KCNQ1: variants seen among roughly 807,000 people sequenced by gnomAD.
KCNQ1 encodes potassium voltage-gated channel subfamily Q member 1.
Under a neutral mutation model 72.4 loss-of-function variants are expected in KCNQ1, and 49 were observed. The ratio of observed to expected loss-of-function variants is 0.68; its 90% CI spans 0.54 to 0.86. The LOEUF is 0.86. KCNQ1 is among the 40% of genes least tolerant of loss of function. The pLI is 0.00. For synonymous variants in KCNQ1, 450 were observed against 412.6 expected (o/e 1.09, Z -1.10); for missense variants, 790 against 945.1 (o/e 0.84, Z 2.15).
At chr11:2,699,723 C>T (rs1044257445) in intron 11 of KCNQ1, 5 of 290,488 alleles carry the variant, frequency 1.7e-5, no homozygotes, top group African/African-American at 9.1e-5. Context: ...GAGGAGTCCC[C>T]GGGGAGAACT....
chr11:2,519,476 C>T (rs193146346), intron 1 of KCNQ1, among the ~76,000 whole-genome samples: 71 of 152,192 alleles, frequency 4.7e-4, no homozygotes, highest in East Asian at 2.7e-3. Flanking sequence ...GACATGAGGC[C>T]GGGCATGGTG....
At chr11:2,778,412 C>T (rs759028807) in intron 15 of KCNQ1, among the ~76,000 whole-genome samples, 5 of 152,238 alleles carry the variant, frequency 3.3e-5, no homozygotes, top group Admixed American at 6.5e-5. Context: ...CCTCACATCC[C>T]AGCCTTCTCC....
At position 2,787,077 on chromosome 11, in the gene KCNQ1, G is replaced by T. The variant is rs1183460200; in HGVS notation, c.1794+9040G>T. Reference sequence around the variant, plus strand: ...TTACCCCTTCCATTGCCACATATGTGGGTGTACTGCCAGCCTGGACTTTTA... The same window carrying T: ...TTACCCCTTCCATTGCCACATATGTTGGTGTACTGCCAGCCTGGACTTTTA... On this transcript the variant is annotated intron_variant, in intron 15 of 15. Transcript: ENST00000155840. The surrounding 1 kb of genome is among the most constrained non-coding windows in gnomAD (Gnocchi z 6.3). 2.0e-5 allele frequency among the ~76,000 whole-genome samples: 3 copies of T among 151,720 alleles called. No homozygotes were observed. Among genetic ancestry groups the T allele is most frequent in the African/African-American group, 7.3e-5 (3 of 41,240 alleles).
intron 10 of KCNQ1, chr11:2,631,041 A>C (rs1001096021): frequency 3.5e-5 from 14 of 398,394 alleles, no homozygotes. Context: ...TTTTGATGGC[A>C]ATATATCTAG....
chr11:2,547,816 C>T lies in KCNQ1; in HGVS notation c.477+19798C>T, dbSNP rs1042029678. Reference sequence around the variant, plus strand: ...AGTTCTCAGTGGAGCGGCCGGGCTGCGAGTCTCTGTATGGAGGTGAAGGTC... The same window carrying T: ...AGTTCTCAGTGGAGCGGCCGGGCTGTGAGTCTCTGTATGGAGGTGAAGGTC... On this transcript the variant is annotated intron_variant, in intron 2 of 15. Coordinates refer to ENST00000155840, the MANE Select transcript of KCNQ1 (RefSeq NM_000218.3). This position sits in a 1 kb window ranked among gnomAD's most constrained non-coding sequence, Gnocchi z 4.2. Among the ~76,000 whole-genome samples the T allele has an allele frequency of 1.3e-5, 2 of 152,112 alleles. No individual in the cohort carries two copies. The highest frequency in any genetic ancestry group is 2.9e-5 in the Non-Finnish European group (2 of 68,022).
chr11:2,538,257 G>T lies in KCNQ1; in HGVS notation c.477+10239G>T, dbSNP rs1218940735. Among the ~76,000 whole-genome samples the T allele has an allele frequency of 6.6e-6, 1 of 152,152 alleles. No individual in the cohort carries two copies. Among genetic ancestry groups the T allele is most frequent in the East Asian group, 1.9e-4 (1 of 5,196 alleles). ...CACGCGGTTTCAGCTTCTTTGACCT[G>T]GAGCAGCCCTGCCCGGCCTTCCCTT... On this transcript the variant is annotated intron_variant, in intron 2 of 15. Transcript: ENST00000155840. The surrounding 1 kb of genome is among the most constrained non-coding windows in gnomAD (Gnocchi z 6.7).
rs1292374184 is a variant in KCNQ1 at position 2,750,123 on chromosome 11, T to C, written c.1515-18721T>C. The stretch of plus-strand genomic sequence containing the variant: ...TTGCTGGTGAAGCTGGGGAGAGACC[T>C]GCGCAACCCCACCTGAGTGAGGCAC... On this transcript the variant is annotated intron_variant, in intron 11 of 15. Transcript: ENST00000155840. The surrounding 1 kb of genome is among the most constrained non-coding windows in gnomAD (Gnocchi z 6.3). Among the ~76,000 whole-genome samples, 1 of 152,142 alleles carries C rather than the reference T, an allele frequency of 6.6e-6. No individual in the cohort carries two copies. Among genetic ancestry groups the C allele is most frequent in the Non-Finnish European group, 1.5e-5 (1 of 68,030 alleles).
rs1554891924 is a variant in KCNQ1 at position 2,561,212 on chromosome 11, A to AAAAG, written c.478-9412_478-9409dup. 2.9e-3 allele frequency among the ~76,000 whole-genome samples: 431 copies of AAAAG among 150,990 alleles called. 3 individuals carry two copies. The highest frequency in any genetic ancestry group is 9.9e-3 in the African/African-American group (402 of 40,736). On this transcript the variant is annotated intron_variant, in intron 2 of 15. Coordinates refer to ENST00000155840, the MANE Select transcript of KCNQ1 (RefSeq NM_000218.3). The stretch of plus-strand genomic sequence containing the variant: ...CGAGACTCCGTCTCAAAAAAAAAAA[A>AAAAG]AAAGAAAAAAAGAAAAAAAAGGAAC...
At chr11:2,708,971 A>G (rs1179769751) in intron 11 of KCNQ1, among the ~76,000 whole-genome samples, 2 of 151,920 alleles carry the variant, frequency 1.3e-5, no homozygotes, top group Admixed American at 6.6e-5. Flanking sequence ...CTTGTGAGCC[A>G]TCAGCTGTTT....
Position 2,464,486 on chromosome 11 carries a change from G to A in KCNQ1, c.386+19002G>A, listed in dbSNP as rs892641406. 1.3e-5 allele frequency among the ~76,000 whole-genome samples: 2 copies of A among 152,110 alleles called. No homozygotes were observed. Among genetic ancestry groups the A allele is most frequent in the African/African-American group, 2.4e-5 (1 of 41,384 alleles). The stretch of plus-strand genomic sequence containing the variant: ...GTGTGATTTGACCTAGGAGAGTGCC[G>A]GGGTGGGGGCAGGTGCACTGTGGTC... On this transcript the variant is annotated intron_variant, in intron 1 of 15. Coordinates refer to ENST00000155840, the MANE Select transcript of KCNQ1 (RefSeq NM_000218.3). This position sits in a 1 kb window ranked among gnomAD's most constrained non-coding sequence, Gnocchi z 5.0.
At chr11:2,756,951 T>TAAAAAAAAAAAAAAAA (rs58284663) in intron 11 of KCNQ1, among the ~76,000 whole-genome samples, 1 of 50,994 alleles carries the variant, frequency 2.0e-5, no homozygotes, top group African/African-American at 6.7e-5. Flanking sequence ...AAGAGCATCT[T>TAAAAAAAAAAAAAAAA]AAAAAAAAAA....
chr11:2,603,188 G>A lies in KCNQ1; in HGVS notation c.1393+14334G>A, dbSNP rs1302376082. Among the ~76,000 whole-genome samples, 1 of 152,146 alleles carries A rather than the reference G, an allele frequency of 6.6e-6. No homozygotes were observed. Among genetic ancestry groups the A allele is most frequent in the African/African-American group, 2.4e-5 (1 of 41,452 alleles). On this transcript the variant is annotated intron_variant, in intron 10 of 15. Transcript: ENST00000155840. The surrounding 1 kb of genome is among the most constrained non-coding windows in gnomAD (Gnocchi z 4.1). ...GCAAGTCACACAAATTTTTTGGTTT[G>A]CCACTGCATATAAAAGTTATGTTTA... is the stretch of plus-strand genomic sequence containing the variant.
intron 11 of KCNQ1, chr11:2,686,911 C>G (rs1850499087): frequency 1.0e-5 from 4 of 398,582 alleles, no homozygotes; most frequent in Non-Finnish European, 1.8e-5. Flanking sequence ...GCAACCCAAT[C>G]CAGGTCCATG....
intron 15 of KCNQ1, among the ~76,000 whole-genome samples, chr11:2,799,332 C>G (rs1847210212): frequency 6.6e-6 from 1 of 151,772 alleles, no homozygotes; most frequent in Non-Finnish European, 1.5e-5. Context: ...TTGGAATGGA[C>G]TGAAGTGGAA....
At chr11:2,466,226 C>G (rs1846349689) in intron 1 of KCNQ1, among the ~76,000 whole-genome samples, 1 of 152,142 alleles carries the variant, frequency 6.6e-6, no homozygotes, top group African/African-American at 2.4e-5. Context: ...CATTTTGTAG[C>G]TGGGGAAACT....
At chr11:2,697,059 C>T (rs1442801075) in intron 11 of KCNQ1, 2 of 398,312 alleles carry the variant, frequency 5.0e-6, no homozygotes, top group East Asian at 3.6e-5. Flanking sequence ...AGGTCAAAAA[C>T]ATTTTCATAA....
intron 12 of KCNQ1, among the ~76,000 whole-genome samples, chr11:2,773,621 A>G (rs233437): frequency 0.14 from 20,830 of 151,674 alleles, 1,637 homozygotes; most frequent in South Asian, 0.2. Context: ...TCAGCATCCC[A>G]TCTTACAGAA....
chr11:2,642,947 T>A lies in KCNQ1; in HGVS notation c.1394-19014T>A. 1 of 398,006 alleles carries A rather than the reference T, an allele frequency of 2.5e-6. No individual in the cohort carries two copies. The highest frequency in any genetic ancestry group is 4.4e-6 in the Non-Finnish European group (1 of 225,704). 24.7% of individuals were successfully genotyped at this position (398,006 alleles called of 1,614,324 possible). On this transcript the variant is annotated intron_variant, in intron 10 of 15. Transcript: ENST00000155840. The surrounding 1 kb of genome is among the most constrained non-coding windows in gnomAD (Gnocchi z 4.3). ...TTGGTCATTCAGGAACATGTTAATT[T>A]CCATTTATTTATACAGTTTTGAATG... is the stretch of plus-strand genomic sequence containing the variant.
At chr11:2,846,597 C>G (rs1383619202) in intron 15 of KCNQ1, among the ~76,000 whole-genome samples, 1 of 152,222 alleles carries the variant, frequency 6.6e-6, no homozygotes, top group East Asian at 1.9e-4. Flanking sequence ...CTCACCTGCC[C>G]TAGTCTGCCC....
Sources: gnomAD v4.1 joint callset for allele counts (sites outside exome capture counted in the v4.1 genomes callset) on GRCh38, gnomAD v4.1.1 for gene constraint, Gnocchi (gnomAD v3.1) non-coding constraint, MANE v1.5 for transcripts, NCBI Gene and HGNC (gene_info 2026-07-23, HGNC 2026-07-21) for gene names.